VDAC1: variants seen among roughly 807,000 people sequenced by gnomAD.
VDAC1 encodes the protein voltage dependent anion channel 1, also known as non-selective voltage-gated ion channel VDAC1.
In VDAC1, 10 loss-of-function variants were observed where a neutral mutation model predicts 34.7. That is an observed-to-expected ratio of 0.29 (90% CI 0.18 to 0.49). VDAC1 has a LOEUF of 0.49. VDAC1 is among the 20% of genes least tolerant of loss of function. The pLI is 0.99. For missense variants in VDAC1, 230 were observed against 347.9 expected, an observed-to-expected ratio of 0.66 and a Z score of 2.69; for synonymous variants, 130 against 136.0, an observed-to-expected ratio of 0.96 and a Z score of 0.30.
chr5:134,066,092 C>T, the VDAC1 span, among the ~76,000 whole-genome samples: 6 of 151,884 alleles, frequency 4.0e-5, no homozygotes. Context: ...CGCGCCTGGT[C>T]GATAGTAAAT....
Position 133,987,132 on chromosome 5 carries a change from G to A in VDAC1, c.323+3723C>T, listed in dbSNP as rs138127126. Reference sequence around the variant, plus strand: ...CCAGAATTTTGGGAGGCCAAGGTGGGAGGCAGATCACTTGAGTCAGGAGTT... The same window carrying A: ...CCAGAATTTTGGGAGGCCAAGGTGGAAGGCAGATCACTTGAGTCAGGAGTT... On this transcript the variant is annotated intron_variant, in intron 5 of 8. Coordinates refer to ENST00000265333, the MANE Select transcript of VDAC1 (RefSeq NM_003374.3). Among the ~76,000 whole-genome samples the A allele has an allele frequency of 5.6e-3, 854 of 152,126 alleles. 9 individuals carry two copies. Among genetic ancestry groups the A allele is most frequent in the African/African-American group, 0.019 (799 of 41,480 alleles).
chr5:133,987,319 C>T (rs962232821), intron 5 of VDAC1, among the ~76,000 whole-genome samples: 2 of 151,672 alleles, frequency 1.3e-5, no homozygotes, highest in Admixed American at 6.6e-5. Context: ...CGAGATCATA[C>T]CACTGCACTC....
chr5:134,063,006 C>A, the VDAC1 span, among the ~76,000 whole-genome samples: 3 of 152,170 alleles, frequency 2.0e-5, no homozygotes, highest in African/African-American at 7.2e-5. Flanking sequence ...ATAAAATTAC[C>A]TAGGCCTATA....
chr5:133,996,334 C>G (rs1753306041), intron 1 of VDAC1, among the ~76,000 whole-genome samples: 1 of 152,198 alleles, frequency 6.6e-6, no homozygotes. Flanking sequence ...GCCAGTCTAC[C>G]TACCCAACCT....
the VDAC1 span, among the ~76,000 whole-genome samples, chr5:134,050,465 C>A: frequency 6.6e-6 from 1 of 152,102 alleles, no homozygotes; most frequent in African/African-American, 2.4e-5. Flanking sequence ...CTTCCAAGCC[C>A]CCCCAGCAAC....
the VDAC1 span, among the ~76,000 whole-genome samples, chr5:134,108,318 G>T: frequency 6.6e-6 from 1 of 152,190 alleles, no homozygotes; most frequent in African/African-American, 2.4e-5. Flanking sequence ...CATTTATTAA[G>T]TGCCACAGTA....
intron 1 of VDAC1, among the ~76,000 whole-genome samples, chr5:134,001,666 G>C (rs928413224): frequency 6.8e-6 from 1 of 146,684 alleles, no homozygotes; most frequent in Admixed American, 6.9e-5. Context: ...GCAGGGAGCC[G>C]AGATTGCACC....
At chr5:134,017,780 G>A in the VDAC1 span, among the ~76,000 whole-genome samples, 1 of 152,110 alleles carries the variant, frequency 6.6e-6, no homozygotes, top group Non-Finnish European at 1.5e-5. Context: ...GGGCTTAGTG[G>A]CAGGCGACTG....
the VDAC1 span, among the ~76,000 whole-genome samples, chr5:134,093,266 G>A: frequency 1.3e-5 from 2 of 152,214 alleles, no homozygotes; most frequent in African/African-American, 4.8e-5. Context: ...CCACTGCCTG[G>A]CTTTTGAGTG....
the VDAC1 span, among the ~76,000 whole-genome samples, chr5:134,015,765 C>T: frequency 1.3e-5 from 2 of 152,134 alleles, no homozygotes; most frequent in African/African-American, 2.4e-5. Flanking sequence ...CTGCCTCAGC[C>T]TCCCGAGTAG....
At chr5:134,109,795 A>T in the VDAC1 span, among the ~76,000 whole-genome samples, 1 of 150,842 alleles carries the variant, frequency 6.6e-6, no homozygotes, top group African/African-American at 2.4e-5. Context: ...AAAAAAAAGA[A>T]CTTAGAGGCA....
At chr5:134,046,184 C>G in the VDAC1 span, among the ~76,000 whole-genome samples, 1 of 94,370 alleles carries the variant, frequency 1.1e-5, no homozygotes, top group South Asian at 3.2e-4. Flanking sequence ...TGCCACCACG[C>G]CCAGCTCATT....
the VDAC1 span, among the ~76,000 whole-genome samples, chr5:134,067,327 G>A: frequency 2.0e-5 from 3 of 149,856 alleles, no homozygotes; most frequent in African/African-American, 4.9e-5. Flanking sequence ...TGCCCACCTC[G>A]GCCTCCCAAA....
the VDAC1 span, among the ~76,000 whole-genome samples, chr5:134,063,249 C>A: frequency 6.6e-6 from 1 of 152,138 alleles, no homozygotes; most frequent in African/African-American, 2.4e-5. Context: ...TTGGATTTCA[C>A]CACCACCATT....
At chr5:133,987,615 T>C (rs546633035) in intron 5 of VDAC1, among the ~76,000 whole-genome samples, 189 of 152,206 alleles carry the variant, frequency 1.2e-3, no homozygotes, top group Non-Finnish European at 2.1e-3. Flanking sequence ...GAGGCAGAGG[T>C]TGCAGTGAGC....
At chr5:134,025,424 G>A in the VDAC1 span, among the ~76,000 whole-genome samples, 83 of 152,230 alleles carry the variant, frequency 5.5e-4, no homozygotes, top group African/African-American at 1.9e-3. Flanking sequence ...GGACTCGCAC[G>A]TCAACATAAG....
At chr5:134,059,920 A>C in the VDAC1 span, among the ~76,000 whole-genome samples, 2 of 152,062 alleles carry the variant, frequency 1.3e-5, 1 homozygote, top group Non-Finnish European at 2.9e-5. Flanking sequence ...GCTTGGGCAG[A>C]GGCCCAGGGA....
At chr5:134,002,436 G>GACATTA (rs1580734059) in intron 1 of VDAC1, among the ~76,000 whole-genome samples, 2 of 152,252 alleles carry the variant, frequency 1.3e-5, no homozygotes, top group East Asian at 3.9e-4. Context: ...TGAGGGAAGG[G>GACATTA]GTAACAGGCC....
the VDAC1 span, among the ~76,000 whole-genome samples, chr5:134,034,469 G>A: frequency 2.0e-5 from 3 of 152,188 alleles, no homozygotes; most frequent in Admixed American, 6.5e-5. Flanking sequence ...CCCTGCCAAG[G>A]TGGAGGCAGA....
Sources: allele counts gnomAD v4.1 joint callset (sites outside exome capture counted in the v4.1 genomes callset), GRCh38; gene constraint gnomAD v4.1.1; transcripts MANE v1.5; gene names NCBI Gene and HGNC (gene_info 2026-07-23, HGNC 2026-07-21).